Variants in EXOC6B observed in about 807,000 individuals in gnomAD.
EXOC6B encodes the protein exocyst complex component 6B, also known as SEC15 homolog B.
A neutral mutation model predicts 113.5 loss-of-function variants in EXOC6B; 54 were observed. The ratio of observed to expected loss-of-function variants is 0.48; its 90% CI spans 0.38 to 0.60. The LOEUF is 0.60. Among genes scored for constraint, EXOC6B ranks in the 20% least tolerant of loss-of-function variants. The probability of loss-of-function intolerance (pLI) is 0.00; values close to 1 mark genes in which losing one functional copy is unlikely to be tolerated. For synonymous variants in EXOC6B, 357 were observed against 339.0 expected (o/e 1.05, Z -0.58); for missense variants, 797 against 977.5 (o/e 0.82, Z 2.46).
At chr2:72,484,213 G>A (rs1699283024) in intron 16 of EXOC6B, among the ~76,000 whole-genome samples, 1 of 151,286 alleles carries the variant, frequency 6.6e-6, no homozygotes, top group Non-Finnish European at 1.5e-5. Flanking sequence ...TGTTACATAG[G>A]TGTATGTATG....
chr2:72,194,188 A>C (rs1428420972), intron 20 of EXOC6B, among the ~76,000 whole-genome samples: 2 of 152,202 alleles, frequency 1.3e-5, no homozygotes, highest in Non-Finnish European at 2.9e-5. Context: ...ATGAGATGGC[A>C]TAAAATTCAT....
chr2:72,470,329 G>A (rs184338951), intron 17 of EXOC6B, among the ~76,000 whole-genome samples: 1 of 152,120 alleles, frequency 6.6e-6, no homozygotes, highest in African/African-American at 2.4e-5. Flanking sequence ...GTATTCTAAT[G>A]TTTTTGAAGC....
In EXOC6B at chr2:72,246,599, C is replaced by T. The variant is rs61148645; in HGVS notation, c.2197-62412G>A. Among the ~76,000 whole-genome samples the T allele has an allele frequency of 4.0e-3, 604 of 151,504 alleles. 2 individuals carry two copies. Among genetic ancestry groups the T allele is most frequent in the African/African-American group, 0.014 (588 of 41,152 alleles). The stretch of plus-strand genomic sequence containing the variant: ...CTCAGCTCACTGCAAGCTCCGCCTC[C>T]GAGGTTCATGCCATTCTCCTGCCTC... On this transcript the variant is annotated intron_variant, in intron 20 of 21. Transcript: ENST00000272427.
At chr2:72,544,580 A>C (rs937097709) in intron 8 of EXOC6B, among the ~76,000 whole-genome samples, 4 of 152,114 alleles carry the variant, frequency 2.6e-5, no homozygotes, top group African/African-American at 7.2e-5. Context: ...AGATCTTCTC[A>C]GAATATACTT....
intron 20 of EXOC6B, among the ~76,000 whole-genome samples, chr2:72,259,531 T>C (rs1343300844): frequency 6.6e-6 from 1 of 152,266 alleles, no homozygotes; most frequent in Non-Finnish European, 1.5e-5. Context: ...GCTTTCATCT[T>C]GGATAAACAA....
At chr2:72,728,601 G>T (rs978710815) in intron 5 of EXOC6B, among the ~76,000 whole-genome samples, 2 of 152,232 alleles carry the variant, frequency 1.3e-5, no homozygotes, top group African/African-American at 4.8e-5. Context: ...GCTCCCTGAA[G>T]TGACTCAGGG....
At chr2:72,442,615 A>C (rs973928396) in intron 18 of EXOC6B, among the ~76,000 whole-genome samples, 3 of 152,206 alleles carry the variant, frequency 2.0e-5, no homozygotes, top group African/African-American at 7.2e-5. Context: ...GCTGAAGCCA[A>C]ATCAGGAATG....
At chr2:72,389,162 T>C (rs368127425) in intron 18 of EXOC6B, among the ~76,000 whole-genome samples, 19 of 152,060 alleles carry the variant, frequency 1.2e-4, no homozygotes, top group African/African-American at 3.9e-4. Context: ...GCTCTTATAT[T>C]ACTTAAGTGT....
In EXOC6B at chr2:72,182,967, A is replaced by G. The variant is rs1000969877; in HGVS notation, c.2309+1108T>C. On this transcript the variant is annotated intron_variant, in intron 21 of 21. Transcript: ENST00000272427. Reference sequence around the variant, plus strand: ...AAACAAAGTTAAAATGGAAACATCAATCTCTGACGTGGTCAGGAGAAAACT... The same window carrying G: ...AAACAAAGTTAAAATGGAAACATCAGTCTCTGACGTGGTCAGGAGAAAACT... 4.0e-5 allele frequency: 46 copies of G among 1,156,038 alleles called. No homozygotes were observed. In the African/African-American group the frequency reaches 6.7e-4, roughly 17 times the overall value. 71.6% of individuals were successfully genotyped at this position (1,156,038 alleles called of 1,614,324 possible). A position where few individuals can be genotyped will look rare whatever the true frequency, so the allele number is the denominator to read the frequency against.
At chr2:72,343,112 G>T (rs1689132815) in intron 19 of EXOC6B, among the ~76,000 whole-genome samples, 1 of 152,124 alleles carries the variant, frequency 6.6e-6, no homozygotes, top group Non-Finnish European at 1.5e-5. Context: ...TTTTTCTAAT[G>T]TATTCTTCTC....
At chr2:72,245,769 G>C (rs908339043) in intron 20 of EXOC6B, among the ~76,000 whole-genome samples, 2 of 152,030 alleles carry the variant, frequency 1.3e-5, no homozygotes, top group Non-Finnish European at 2.9e-5. Context: ...ACAAAGAACA[G>C]ACCATTATGT....
chr2:72,455,121 G>T (rs970873914), intron 18 of EXOC6B, among the ~76,000 whole-genome samples: 1 of 152,108 alleles, frequency 6.6e-6, no homozygotes, highest in Non-Finnish European at 1.5e-5. Flanking sequence ...GAAGAAAAAT[G>T]TGGTTGTGTC....
intron 20 of EXOC6B, among the ~76,000 whole-genome samples, chr2:72,225,015 T>C (rs1311973457): frequency 2.0e-5 from 3 of 148,058 alleles, no homozygotes; most frequent in Admixed American, 6.9e-5. Context: ...TAAATACACA[T>C]ACTTTTTTTT....
chr2:72,449,361 C>G (rs1010022914), intron 18 of EXOC6B, among the ~76,000 whole-genome samples: 1 of 151,912 alleles, frequency 6.6e-6, no homozygotes, highest in Non-Finnish European at 1.5e-5. Flanking sequence ...TTAGTAGAGA[C>G]AGAGTTTCAC....
intron 20 of EXOC6B, among the ~76,000 whole-genome samples, chr2:72,261,319 T>C (rs1683700015): frequency 6.6e-6 from 1 of 152,208 alleles, no homozygotes; most frequent in South Asian, 2.1e-4. Flanking sequence ...TCCAGCCAGA[T>C]TGGAAAGTTC....
intron 19 of EXOC6B, among the ~76,000 whole-genome samples, chr2:72,368,847 C>T (rs1486090347): frequency 5.9e-5 from 9 of 152,046 alleles, no homozygotes; most frequent in Non-Finnish European, 1.2e-4. Context: ...ATAAATTAGG[C>T]ATTGATGGGA....
intron 6 of EXOC6B, among the ~76,000 whole-genome samples, chr2:72,602,371 C>T (rs1670488189): frequency 6.6e-6 from 1 of 152,128 alleles, no homozygotes; most frequent in South Asian, 2.1e-4. Flanking sequence ...TAAGTCTCTT[C>T]CTTCTTCATT....
chr2:72,664,574 A>T lies in EXOC6B; in HGVS notation c.669+53529T>A, dbSNP rs1457177956. Among the ~76,000 whole-genome samples, 3 of 152,300 alleles carry T rather than the reference A, an allele frequency of 2.0e-5. No homozygotes were observed. The East Asian group carries it at 5.8e-4, about 29-fold the overall frequency. ...GAGCAGAGCCCAGGGAGTTTTGTGCACAGAGCAGCTGCAGCAAAATGTGGC... is the reference window on the plus strand; with the variant it reads ...GAGCAGAGCCCAGGGAGTTTTGTGCTCAGAGCAGCTGCAGCAAAATGTGGC... On this transcript the variant is annotated intron_variant, in intron 6 of 21. Transcript: ENST00000272427.
chr2:72,530,380 T>G (rs1479791651), intron 8 of EXOC6B, among the ~76,000 whole-genome samples: 1 of 152,188 alleles, frequency 6.6e-6, no homozygotes, highest in Non-Finnish European at 1.5e-5. Flanking sequence ...TATATGTAAG[T>G]GTATTATCTA....
Sources: gnomAD v4.1 joint callset for allele counts (sites outside exome capture counted in the v4.1 genomes callset) on GRCh38, gnomAD v4.1.1 for gene constraint, MANE v1.5 for transcripts, NCBI Gene and HGNC (gene_info 2026-07-23, HGNC 2026-07-21) for gene names.